The following ZBTB47 variants were observed in gnomAD, a reference collection of about 807,000 sequenced individuals.
ZBTB47 encodes the protein zinc finger and BTB domain-containing protein 47.
ZBTB47 carries 24 observed loss-of-function variants against 56.6 expected under a neutral mutation model. That is an observed-to-expected ratio of 0.42 (90% CI 0.31 to 0.60). The LOEUF (loss-of-function observed/expected upper bound fraction) is 0.60, where lower values mean the gene tolerates loss of function less well. Ranked by LOEUF, ZBTB47 falls within the 20% of genes least tolerant of loss-of-function variation. ZBTB47 has a pLI of 0.14. For missense variants in ZBTB47, 829 were observed against 1,032.6 expected (o/e 0.80, Z 2.70); for synonymous variants, 414 against 418.9 (o/e 0.99, Z 0.14).
rs553356600 is a variant in ZBTB47 at position 42,663,614 on chromosome 3, C to T, written c.1738-183C>T. ...TAAGCCTTGGGTGCTTGTGGCCTCTCCTCTTGTGCCCATGTACTGCCCACC... is the reference window on the plus strand; with the variant it reads ...TAAGCCTTGGGTGCTTGTGGCCTCTTCTCTTGTGCCCATGTACTGCCCACC... On this transcript the variant is annotated intron_variant, in intron 4 of 5. Transcript: ENST00000232974. The surrounding 1 kb of genome is among the most constrained non-coding windows in gnomAD (Gnocchi z 5.1). 6.6e-6 allele frequency among the ~76,000 whole-genome samples: 1 copy of T among 152,170 alleles called. No individual in the cohort carries two copies. The highest frequency in any genetic ancestry group is 2.4e-5 in the African/African-American group (1 of 41,504).
At chr3:42,664,040 A>C (rs1710753084) in intron 5 of ZBTB47, 99 bp downstream of exon 5, 19 of 1,485,462 alleles carry the variant, frequency 1.3e-5, no homozygotes, top group Non-Finnish European at 1.7e-5. Flanking sequence ...ACCCCTTCTC[A>C]AGTCTGGGCC....
chr3:42,658,699 G>A lies in ZBTB47; in HGVS notation c.344G>A (p.Gly115Asp). 5 of 1,536,014 alleles carry A rather than the reference G, an allele frequency of 3.3e-6. No individual in the cohort carries two copies. The South Asian group carries it at 4.8e-5, about 15-fold the overall frequency. The part of the protein sequence containing the change: ...CQELLDARSL[G>D]PPGPGTVALA... Reference sequence around the variant, plus strand: ...GAGCTGCTGGACGCCCGCTCTCTAGGCCCACCAGGTCCGGGCACTGTGGCC... The same window carrying A: ...GAGCTGCTGGACGCCCGCTCTCTAGACCCACCAGGTCCGGGCACTGTGGCC... The change falls in exon 2 of 6, where the codon GGC becomes GAC. Residue 115 changes from glycine (G) to aspartate (D), a missense_variant. Around this residue, in one of 6 missense-constraint regions of ZBTB47, gnomAD observed 120 missense variants for 200.2 expected, o/e 0.60. Coordinates refer to ENST00000232974, the MANE Select transcript of ZBTB47 (RefSeq NM_145166.4).
At chr3:42,655,003 G>A (rs1046209407) in intron 1 of ZBTB47, among the ~76,000 whole-genome samples, 1 of 152,088 alleles carries the variant, frequency 6.6e-6, no homozygotes, top group Non-Finnish European at 1.5e-5. Flanking sequence ...GTAATGGGGG[G>A]AAGAGGGAGT....
intron 2 of ZBTB47, 111 bp from the exon 3 acceptor site, chr3:42,661,374 C>A: frequency 7.7e-7 from 1 of 1,297,090 alleles, no homozygotes; most frequent in Admixed American, 2.3e-5. Flanking sequence ...ATCAAGGGCT[C>A]TCCAGCATAT....
Position 42,659,186 on chromosome 3 carries a change from C to T in ZBTB47, c.831C>T (p.Asp277=), listed in dbSNP as rs934212785. The T allele has an allele frequency of 5.1e-5, 77 of 1,519,048 alleles. 1 individual carries two copies. The Middle Eastern group carries it at 8.6e-4, about 17-fold the overall frequency. 94.1% of individuals were successfully genotyped at this position (1,519,048 alleles called of 1,614,324 possible). The part of the protein sequence containing the change: ...GREDGLQRHS[D]EEEEDDEEEE... Reference sequence around the variant, plus strand: ...AGGACGGGCTGCAGAGACACTCGGACGAGGAGGAGGAGGACGACGAGGAGG... The same window carrying T: ...AGGACGGGCTGCAGAGACACTCGGATGAGGAGGAGGAGGACGACGAGGAGG... The change falls in exon 2 of 6, where the codon GAC becomes GAT. Residue 277 remains aspartate (D), a synonymous_variant. Coordinates refer to ENST00000232974, the MANE Select transcript of ZBTB47 (RefSeq NM_145166.4).
At chr3:42,657,320 G>C (rs1710650067) in intron 1 of ZBTB47, among the ~76,000 whole-genome samples, 2 of 152,228 alleles carry the variant, frequency 1.3e-5, no homozygotes, top group Admixed American at 1.3e-4. Context: ...CTTTCCCAGA[G>C]CCTGTGGACA....
rs560831888 is a variant in ZBTB47 at position 42,664,050 on chromosome 3, C to T, written c.1882+109C>T. On this transcript the variant is annotated intron_variant, in intron 5 of 5. Transcript: ENST00000232974. Reference sequence around the variant, plus strand: ...GCCACACCCCTTCTCAAGTCTGGGCCTCCGTTTACCCATGCTTCCTGCCTC... The same window carrying T: ...GCCACACCCCTTCTCAAGTCTGGGCTTCCGTTTACCCATGCTTCCTGCCTC... 3 of 1,478,058 alleles carry T rather than the reference C, an allele frequency of 2.0e-6. No homozygotes were observed. In the South Asian group the frequency reaches 4.1e-5, roughly 20 times the overall value. The allele number at this position is 1,478,058 out of a possible 1,614,324, so 91.6% of individuals were successfully genotyped here.
chr3:42,659,680 C>T lies in ZBTB47; in HGVS notation c.1325C>T (p.Pro442Leu). 1.9e-6 allele frequency: 3 copies of T among 1,612,878 alleles called. No homozygotes were observed. Among genetic ancestry groups the T allele is most frequent in the East Asian group, 2.2e-5 (1 of 44,826 alleles). Residue 442 changes from proline to leucine, a missense_variant, in exon 2 of 6, where the codon CCA becomes CTA. Around this residue, in one of 6 missense-constraint regions of ZBTB47, gnomAD observed 187 missense variants for 253.1 expected, o/e 0.74. Coordinates refer to ENST00000232974, the MANE Select transcript of ZBTB47 (RefSeq NM_145166.4). ...EKQHHPCQKC[P>L]RVFNNRWYLE... ...CAGCACCATCCATGCCAGAAGTGCC[C>T]ACGAGTTTTCAACAACCGCTGGTAC...
At position 42,664,659 on chromosome 3, in the gene ZBTB47, C is replaced by A. The variant is rs1348157444; in HGVS notation, c.*61C>A. On this transcript the variant is annotated 3_prime_UTR_variant, in exon 6 of 6. Coordinates refer to ENST00000232974, the MANE Select transcript of ZBTB47 (RefSeq NM_145166.4). Reference sequence around the variant, plus strand: ...GAGTCAGGGCCCACTCCAGGAGGGACCCACTGCCTTCCCGGGGAGCACAGT... The same window carrying A: ...GAGTCAGGGCCCACTCCAGGAGGGAACCACTGCCTTCCCGGGGAGCACAGT... 1 of 1,360,980 alleles carries A rather than the reference C, an allele frequency of 7.3e-7. No homozygotes were observed. The highest frequency in any genetic ancestry group is 1.5e-5 in the African/African-American group (1 of 64,876). 84.3% of individuals were successfully genotyped at this position (1,360,980 alleles called of 1,614,324 possible). A position where few individuals can be genotyped will look rare whatever the true frequency, so the allele number is the denominator to read the frequency against.
chr3:42,664,366 T>A lies in ZBTB47; in HGVS notation c.2012T>A (p.Phe671Tyr). 1.9e-6 allele frequency: 3 copies of A among 1,610,472 alleles called. No homozygotes were observed. Among genetic ancestry groups the A allele is most frequent in the Non-Finnish European group, 2.5e-6 (3 of 1,178,634 alleles). ...PCDVCGQRFRFSNMLKAHKEK... is the reference protein window; with the variant it reads ...PCDVCGQRFRYSNMLKAHKEK... ...GACGTGTGTGGCCAGCGCTTCCGCT[T>A]CTCCAACATGCTCAAGGCCCACAAG... is the stretch of plus-strand genomic sequence containing the variant. Residue 671 changes from phenylalanine to tyrosine, a missense_variant, in exon 6 of 6, where the codon TTC (phenylalanine) becomes TAC (tyrosine). Coordinates refer to ENST00000232974, the MANE Select transcript of ZBTB47 (RefSeq NM_145166.4).
chr3:42,657,857 T>G (rs1472152859), intron 1 of ZBTB47, among the ~76,000 whole-genome samples: 2 of 152,182 alleles, frequency 1.3e-5, no homozygotes, highest in Non-Finnish European at 2.9e-5. Flanking sequence ...GGTGACCACC[T>G]GGTCCCGGTG....
chr3:42,667,081 T>C lies in ZBTB47; in HGVS notation c.*2483T>C, dbSNP rs1577631956. ...TCCTGTTTTACTAGCTTTTACATCTTTTTATTTAAAACAAAACAACACAAA... is the reference window on the plus strand; with the variant it reads ...TCCTGTTTTACTAGCTTTTACATCTCTTTATTTAAAACAAAACAACACAAA... On this transcript the variant is annotated 3_prime_UTR_variant, in exon 6 of 6. Coordinates refer to ENST00000232974, the MANE Select transcript of ZBTB47 (RefSeq NM_145166.4). Among the ~76,000 whole-genome samples the C allele has an allele frequency of 6.6e-6, 1 of 152,384 alleles. No individual in the cohort carries two copies. Among genetic ancestry groups the C allele is most frequent in the East Asian group, 1.9e-4 (1 of 5,186 alleles).
rs763469866 is a variant in ZBTB47 at position 42,667,381 on chromosome 3, C to G, written c.*2783C>G. On this transcript the variant is annotated 3_prime_UTR_variant, in exon 6 of 6. Transcript: ENST00000232974. ...AGCCCTGTGGCCACAGTTCTGGGAG[C>G]CTTCAACCCTGGCTCATGCTGCCAT... Among the ~76,000 whole-genome samples the G allele has an allele frequency of 6.6e-6, 1 of 152,182 alleles. No individual in the cohort carries two copies. Among genetic ancestry groups the G allele is most frequent in the East Asian group, 1.9e-4 (1 of 5,180 alleles).
Position 42,663,550 on chromosome 3 carries a change from T to C in ZBTB47, c.1738-247T>C, listed in dbSNP as rs1348298994. Among the ~76,000 whole-genome samples the C allele has an allele frequency of 6.6e-6, 1 of 152,000 alleles. No individual in the cohort carries two copies. The highest frequency in any genetic ancestry group is 2.4e-5 in the African/African-American group (1 of 41,356). ...GCCTTAAGCATGGGGCTCCCTCTAC[T>C]CTCTGGCTTTTTCCCACTTCCGACC... is the stretch of plus-strand genomic sequence containing the variant. On this transcript the variant is annotated intron_variant, in intron 4 of 5. Transcript: ENST00000232974. The surrounding 1 kb of genome is among the most constrained non-coding windows in gnomAD (Gnocchi z 5.1).
At position 42,656,240 on chromosome 3, in the gene ZBTB47, G is replaced by A. The variant is rs372029106; in HGVS notation, c.-81-2035G>A. Among the ~76,000 whole-genome samples, 1 of 152,190 alleles carries A rather than the reference G, an allele frequency of 6.6e-6. No individual in the cohort carries two copies. Among genetic ancestry groups the A allele is most frequent in the African/African-American group, 2.4e-5 (1 of 41,452 alleles). On this transcript the variant is annotated intron_variant, in intron 1 of 5. Transcript: ENST00000232974. This position sits in a 1 kb window ranked among gnomAD's most constrained non-coding sequence, Gnocchi z 5.8. The stretch of plus-strand genomic sequence containing the variant: ...AGGTAGAGGGGATAGTGGTGAGTGT[G>A]GGGAAGCACGGCTGGTCTCCAGGTG...
At position 42,663,919 on chromosome 3, in the gene ZBTB47, T is replaced by C. The variant is rs778952643; in HGVS notation, c.1860T>C (p.Asp620=). The stretch of plus-strand genomic sequence containing the variant: ...ACTTCAACATGAAGCAGTACTTCGA[T>C]GAGCACATGAAGACCCACACAGGTG... ...GKDFNMKQYF[D]EHMKTHTGEK... The change falls in exon 5 of 6, where the codon GAT becomes GAC. Residue 620 remains aspartate, a synonymous_variant. Transcript: ENST00000232974. The surrounding 1 kb of genome is among the most constrained non-coding windows in gnomAD (Gnocchi z 5.1). 3.1e-6 allele frequency: 5 copies of C among 1,613,012 alleles called. No individual in the cohort carries two copies. The highest frequency in any genetic ancestry group is 4.2e-6 in the Non-Finnish European group (5 of 1,179,456).
Position 42,663,068 on chromosome 3 carries a change from A to G in ZBTB47, c.1678A>G (p.Ser560Gly), listed in dbSNP as rs1462173121. 3 of 1,613,832 alleles carry G rather than the reference A, an allele frequency of 1.9e-6. No individual in the cohort carries two copies. Among genetic ancestry groups the G allele is most frequent in the African/African-American group, 2.7e-5 (2 of 74,942 alleles). ...CETCGKSFKRSMSLKVHSLQH... is the reference protein window; with the variant it reads ...CETCGKSFKRGMSLKVHSLQH... ...GACCTGCGGAAAGTCCTTCAAGCGC[A>G]GCATGTCCCTCAAGGTGCACTCACT... The change falls in exon 4 of 6, where the codon AGC (serine) becomes GGC (glycine). Residue 560 changes from serine (S) to glycine (G), a missense_variant. Physicochemically the swap from Ser to Gly is moderately conservative, Grantham distance 56. Transcript: ENST00000232974. The surrounding 1 kb of genome is among the most constrained non-coding windows in gnomAD (Gnocchi z 5.1).
chr3:42,663,256 C>G lies in ZBTB47; in HGVS notation c.1737+129C>G. 1 of 682,794 alleles carries G rather than the reference C, an allele frequency of 1.5e-6. No homozygotes were observed. The highest frequency in any genetic ancestry group is 2.6e-6 in the Non-Finnish European group (1 of 391,938). 42.3% of individuals were successfully genotyped at this position (682,794 alleles called of 1,614,324 possible). A position where few individuals can be genotyped will look rare whatever the true frequency, so the allele number is the denominator to read the frequency against. ...AGTGTCCAGAAAGAGAGAGCCCTGC[C>G]CTCTGAGGTCTGCAGCCCCTGCCTC... On this transcript the variant is annotated intron_variant, in intron 4 of 5. Coordinates refer to ENST00000232974, the MANE Select transcript of ZBTB47 (RefSeq NM_145166.4). The surrounding 1 kb of genome is among the most constrained non-coding windows in gnomAD (Gnocchi z 5.1).
At position 42,664,732 on chromosome 3, in the gene ZBTB47, C is replaced by G. The variant is rs1385286833; in HGVS notation, c.*134C>G. Reference sequence around the variant, plus strand: ...CACCTCCAGAAGTGGCTGGATGTACCCTGCCTGAGGCCCCGACGAGGAGGG... The same window carrying G: ...CACCTCCAGAAGTGGCTGGATGTACGCTGCCTGAGGCCCCGACGAGGAGGG... On this transcript the variant is annotated 3_prime_UTR_variant, in exon 6 of 6. Transcript: ENST00000232974. 9.0e-7 allele frequency: 1 copy of G among 1,113,934 alleles called. No homozygotes were observed. Among genetic ancestry groups the G allele is most frequent in the Non-Finnish European group, 1.2e-6 (1 of 862,658 alleles). 69.0% of individuals were successfully genotyped at this position (1,113,934 alleles called of 1,614,324 possible). A position where few individuals can be genotyped will look rare whatever the true frequency, so the allele number is the denominator to read the frequency against.
Sources: allele counts gnomAD v4.1 joint callset (sites outside exome capture counted in the v4.1 genomes callset), GRCh38; gene constraint gnomAD v4.1.1; regional missense constraint gnomAD v4.1.1; non-coding constraint Gnocchi (gnomAD v3.1); transcripts MANE v1.5; gene names NCBI Gene and HGNC (gene_info 2026-07-23, HGNC 2026-07-21).